MAP2: variants seen among roughly 807,000 people sequenced by gnomAD.
MAP2 encodes microtubule-associated protein 2.
Under a neutral mutation model 137.6 loss-of-function variants are expected in MAP2, and 14 were observed. The observed-to-expected ratio is 0.10, with a 90% CI of 0.07 to 0.16. The LOEUF is 0.16. Among genes scored for constraint, MAP2 ranks in the 10% least tolerant of loss-of-function variants. The pLI is 1.00. For synonymous variants in MAP2, 786 were observed against 782.3 expected (o/e 1.00, Z -0.08); for missense variants, 2,088 against 2,191.5 (o/e 0.95, Z 0.94).
At chr2:209,531,960 T>C (rs74973080) in intron 2 of MAP2, among the ~76,000 whole-genome samples, 4,222 of 152,216 alleles carry the variant, frequency 0.028, 190 homozygotes, top group African/African-American at 0.096. Flanking sequence ...GGACTTCAGC[T>C]AGGCATGGTG....
intron 2 of MAP2, among the ~76,000 whole-genome samples, chr2:209,541,279 C>G (rs1372624287): frequency 6.6e-6 from 1 of 151,114 alleles, no homozygotes; most frequent in East Asian, 1.9e-4. Flanking sequence ...ATCCATCTGC[C>G]TCGGCCTCCC....
At chr2:209,648,119 TTTA>T (rs758429963) in intron 4 of MAP2, among the ~76,000 whole-genome samples, 2 of 144,452 alleles carry the variant, frequency 1.4e-5, no homozygotes, top group African/African-American at 5.4e-5. Flanking sequence ...TTTTTTTTTT[TTTA>T]ACGCAGTCTC....
In MAP2 at chr2:209,693,410, G is replaced by A; in HGVS notation, c.1240G>A (p.Ala414Thr). ...MGKVLEEEKE[A>T]INQETVQQRD... The stretch of plus-strand genomic sequence containing the variant: ...GAAAGTTTTAGAGGAAGAAAAGGAG[G>A]CCATAAATCAAGAGACTGTGCAGCA... Residue 414 changes from alanine (A) to threonine (T), a missense_variant, in exon 8 of 16, where the codon GCC becomes ACC. Coordinates refer to ENST00000682079, the MANE Select transcript of MAP2 (RefSeq NM_001375505.1). The A allele has an allele frequency of 6.2e-7, 1 of 1,613,138 alleles. No homozygotes were observed. Among genetic ancestry groups the A allele is most frequent in the Non-Finnish European group, 8.5e-7 (1 of 1,179,804 alleles).
At chr2:209,680,698 A>G in intron 6 of MAP2, 52 bp from the exon 7 acceptor site, 1 of 1,472,164 alleles carries the variant, frequency 6.8e-7, no homozygotes, top group Non-Finnish European at 9.5e-7. Context: ...CACATCTACC[A>G]GCCTAAAAGG....
At chr2:209,728,811 C>A (rs1364018334) in intron 14 of MAP2, among the ~76,000 whole-genome samples, 1 of 152,146 alleles carries the variant, frequency 6.6e-6, no homozygotes, top group Non-Finnish European at 1.5e-5. Flanking sequence ...AATATGTAGT[C>A]TGTAAGATAC....
At chr2:209,551,643 A>T (rs1188476272) in intron 2 of MAP2, among the ~76,000 whole-genome samples, 2 of 152,152 alleles carry the variant, frequency 1.3e-5, no homozygotes, top group African/African-American at 4.8e-5. Context: ...CATTTTAAAG[A>T]TTAGCAATCT....
chr2:209,615,359 C>A (rs1485742774), intron 3 of MAP2, among the ~76,000 whole-genome samples: 1 of 152,124 alleles, frequency 6.6e-6, no homozygotes, highest in Non-Finnish European at 1.5e-5. Flanking sequence ...AAGAACCTTA[C>A]AAAAGGCTTT....
rs1379308393 is a variant in MAP2 at position 209,455,416 on chromosome 2, TC to T, written c.-222+31141del. ...TAATAGATTAACAAGTAGTTTTATC[TC>T]TGAAATTGCTCCAGCTCTGTGCTGT... On this transcript the variant is annotated intron_variant, in intron 1 of 15. Coordinates refer to ENST00000682079, the MANE Select transcript of MAP2 (RefSeq NM_001375505.1). Among the ~76,000 whole-genome samples, 4 of 152,336 alleles carry T rather than the reference TC, an allele frequency of 2.6e-5. No homozygotes were observed. The East Asian group carries it at 7.7e-4, about 29-fold the overall frequency.
intron 5 of MAP2, among the ~76,000 whole-genome samples, chr2:209,677,137 C>T (rs997701046): frequency 2.6e-5 from 4 of 151,758 alleles, no homozygotes; most frequent in Non-Finnish European, 4.4e-5. Context: ...TCTCTACTGC[C>T]CTCTTCACTG....
At chr2:209,588,549 C>A (rs1224937045) in intron 3 of MAP2, among the ~76,000 whole-genome samples, 2 of 152,134 alleles carry the variant, frequency 1.3e-5, no homozygotes, top group Non-Finnish European at 2.9e-5. Flanking sequence ...GAAATGATGT[C>A]TCTTTTTGGG....
intron 5 of MAP2, among the ~76,000 whole-genome samples, chr2:209,654,081 G>A (rs2094976996): frequency 6.6e-6 from 1 of 152,108 alleles, no homozygotes; most frequent in South Asian, 2.1e-4. Context: ...TTCTGCTTTG[G>A]GCCAAAGTCC....
chr2:209,725,603 G>A (rs966399230), intron 13 of MAP2, 106 bp from the exon 14 acceptor site: 2 of 548,040 alleles, frequency 3.6e-6, no homozygotes, highest in African/African-American at 3.9e-5. Flanking sequence ...TTCTAGCTAT[G>A]TTGTTGCATG....
At chr2:209,509,286 C>T (rs904773939) in intron 2 of MAP2, among the ~76,000 whole-genome samples, 1 of 151,878 alleles carries the variant, frequency 6.6e-6, no homozygotes, top group African/African-American at 2.4e-5. Flanking sequence ...ATAATCTGAT[C>T]CCCTAACCAT....
intron 11 of MAP2, 65 bp downstream of exon 11, chr2:209,700,403 G>A: frequency 8.0e-7 from 1 of 1,251,700 alleles, no homozygotes; most frequent in Admixed American, 1.9e-5. Context: ...TGTAACATCA[G>A]AATAACTTTT....
intron 3 of MAP2, among the ~76,000 whole-genome samples, chr2:209,581,715 G>T (rs1163071681): frequency 1.3e-5 from 2 of 151,974 alleles, no homozygotes; most frequent in Admixed American, 6.6e-5. Flanking sequence ...TGAACTTTAG[G>T]ATATGTGTAT....
intron 1 of MAP2, among the ~76,000 whole-genome samples, chr2:209,428,988 CT>C (rs1457278126): frequency 6.6e-6 from 1 of 151,726 alleles, no homozygotes; most frequent in African/African-American, 2.4e-5. Context: ...GAGTCTCGCT[CT>C]TTCGCCCAGG....
intron 2 of MAP2, among the ~76,000 whole-genome samples, chr2:209,519,657 T>C (rs552780681): frequency 1.3e-5 from 2 of 152,170 alleles, no homozygotes; most frequent in African/African-American, 4.8e-5. Flanking sequence ...TAGAAAGCAG[T>C]CTCTATCTAC....
rs919264725 is a variant in MAP2, at chr2:209,568,493, T to C, written c.-171-11543T>C. 5.3e-5 allele frequency among the ~76,000 whole-genome samples: 8 copies of C among 152,092 alleles called. No homozygotes were observed. The South Asian group carries it at 8.3e-4, about 16-fold the overall frequency. On this transcript the variant is annotated intron_variant, in intron 2 of 15. Coordinates refer to ENST00000682079, the MANE Select transcript of MAP2 (RefSeq NM_001375505.1). Reference sequence around the variant, plus strand: ...TTACTAAATTTAAATGGATTGGCACTAGCTGACCTCTTAAGTTCTGCTGGC... The same window carrying C: ...TTACTAAATTTAAATGGATTGGCACCAGCTGACCTCTTAAGTTCTGCTGGC...
At chr2:209,557,448 C>A (rs1474539880) in intron 2 of MAP2, among the ~76,000 whole-genome samples, 1 of 152,100 alleles carries the variant, frequency 6.6e-6, no homozygotes, top group East Asian at 1.9e-4. Context: ...CTGCTACATT[C>A]CAACTTGGTT....
Sources: allele counts gnomAD v4.1 joint callset (sites outside exome capture counted in the v4.1 genomes callset), GRCh38; gene constraint gnomAD v4.1.1; transcripts MANE v1.5; gene names NCBI Gene and HGNC (gene_info 2026-07-23, HGNC 2026-07-21).